The following RBFOX1 variants were observed in gnomAD, a reference collection of about 807,000 sequenced individuals.
RBFOX1 encodes RNA binding fox-1 homolog 1.
RBFOX1 carries 8 observed loss-of-function variants against 57.7 expected under a neutral mutation model. The ratio of observed to expected loss-of-function variants is 0.14; its 90% CI spans 0.08 to 0.25. RBFOX1 has a LOEUF of 0.25. Ranked by LOEUF, RBFOX1 falls within the 10% of genes least tolerant of loss-of-function variation. RBFOX1 has a pLI of 1.00. For missense variants in RBFOX1, 611 were observed against 548.5 expected (o/e 1.11, Z -1.14); for synonymous variants, 326 against 222.4 (o/e 1.47, Z -4.15).
intron 1 of RBFOX1, among the ~76,000 whole-genome samples, chr16:6,108,732 C>G (rs974621485): frequency 8.5e-5 from 13 of 152,114 alleles, no homozygotes; most frequent in African/African-American, 3.1e-4. Flanking sequence ...CTCCTCCTTC[C>G]TCTTCTAGCT....
intron 3 of RBFOX1, among the ~76,000 whole-genome samples, chr16:6,884,104 G>C (rs1221387054): frequency 6.6e-6 from 1 of 152,208 alleles, no homozygotes; most frequent in Admixed American, 6.5e-5. Flanking sequence ...GCGATGCGCT[G>C]CAGAAGAAGA....
At chr16:6,825,145 A>C (rs2091955409) in intron 3 of RBFOX1, among the ~76,000 whole-genome samples, 1 of 149,650 alleles carries the variant, frequency 6.7e-6, no homozygotes, top group East Asian at 2.0e-4. Context: ...TAACAACCTC[A>C]CTCAGCACCC....
intron 4 of RBFOX1, among the ~76,000 whole-genome samples, chr16:7,140,628 C>A (rs1443129056): frequency 2.6e-5 from 4 of 152,094 alleles, no homozygotes; most frequent in African/African-American, 9.7e-5. Context: ...TATTTCTAGG[C>A]AGAGCTCATC....
At chr16:5,341,306 A>G (rs2065025972) in intron 1 of RBFOX1, among the ~76,000 whole-genome samples, 2 of 152,118 alleles carry the variant, frequency 1.3e-5, no homozygotes, top group South Asian at 4.1e-4. Context: ...TCTGATTTAT[A>G]TTGAGTAATA....
intron 2 of RBFOX1, among the ~76,000 whole-genome samples, chr16:6,318,852 C>T (rs1415755817): frequency 1.3e-5 from 2 of 150,866 alleles, no homozygotes; most frequent in Admixed American, 1.3e-4. Context: ...TGGCAAGATG[C>T]CTTATTGGGG....
intron 4 of RBFOX1, among the ~76,000 whole-genome samples, chr16:7,154,617 G>C (rs1336712244): frequency 6.6e-6 from 1 of 151,932 alleles, no homozygotes; most frequent in African/African-American, 2.4e-5. Flanking sequence ...AAAATAGTGG[G>C]CAGTTGTAAG....
At chr16:6,016,632 ATTTT>A (rs913715806), upstream of RBFOX1, among the ~76,000 whole-genome samples, 4 of 152,180 alleles carry the variant, frequency 2.6e-5, no homozygotes, top group African/African-American at 9.7e-5. Flanking sequence ...GAAAGGTACC[ATTTT>A]TGACATTTGC....
At chr16:6,458,050 C>T (rs775875393) in intron 2 of RBFOX1, among the ~76,000 whole-genome samples, 1 of 151,848 alleles carries the variant, frequency 6.6e-6, no homozygotes, top group Admixed American at 6.6e-5. Flanking sequence ...TTCTTTGTAG[C>T]ATGTTTTTAA....
intron 14 of RBFOX1, among the ~76,000 whole-genome samples, chr16:7,687,642 G>T (rs777795803): frequency 2.6e-5 from 4 of 152,132 alleles, no homozygotes; most frequent in Non-Finnish European, 4.4e-5. Flanking sequence ...ACTGATTATT[G>T]TGACTTTCCA....
chr16:6,779,036 T>G (rs1291134662), intron 3 of RBFOX1, among the ~76,000 whole-genome samples: 1 of 152,088 alleles, frequency 6.6e-6, no homozygotes, highest in Non-Finnish European at 1.5e-5. Context: ...ACTACTCTAG[T>G]TATTTTGAAA....
chr16:6,224,222 T>TC (rs1247281296), intron 1 of RBFOX1, among the ~76,000 whole-genome samples: 3 of 151,398 alleles, frequency 2.0e-5, no homozygotes, highest in Non-Finnish European at 4.4e-5. Flanking sequence ...AAAGTAGTTA[T>TC]TTTTTTCCAA....
At chr16:5,588,370 G>A (rs1277442970) in intron 2 of RBFOX1, among the ~76,000 whole-genome samples, 1 of 149,130 alleles carries the variant, frequency 6.7e-6, no homozygotes, top group Non-Finnish European at 1.5e-5. Flanking sequence ...ATAAAGTTTG[G>A]AAAAAAAAAT....
chr16:5,854,737 T>A (rs909803244), intron 3 of RBFOX1, among the ~76,000 whole-genome samples: 1 of 152,162 alleles, frequency 6.6e-6, no homozygotes, highest in African/African-American at 2.4e-5. Context: ...TTATTTCCTT[T>A]GGATAGGTAC....
chr16:6,887,667 A>ATT (rs55796944), intron 3 of RBFOX1, among the ~76,000 whole-genome samples: 152 of 143,872 alleles, frequency 1.1e-3, no homozygotes, highest in African/African-American at 3.5e-3. Context: ...TTCCATAGTC[A>ATT]TTTTTTTTTT....
chr16:5,571,517 G>T (rs927953604), intron 2 of RBFOX1, among the ~76,000 whole-genome samples: 4 of 152,202 alleles, frequency 2.6e-5, no homozygotes, highest in African/African-American at 9.6e-5. Context: ...GGCCAACTCA[G>T]CATTCCACTG....
At chr16:6,666,013 A>C (rs2098730429) in intron 3 of RBFOX1, among the ~76,000 whole-genome samples, 1 of 152,096 alleles carries the variant, frequency 6.6e-6, no homozygotes, top group African/African-American at 2.4e-5. Context: ...GTAGTGAATA[A>C]GTCTCCCGAG....
chr16:7,440,646 A>C (rs1477141584), intron 4 of RBFOX1, among the ~76,000 whole-genome samples: 2 of 152,184 alleles, frequency 1.3e-5, no homozygotes, highest in African/African-American at 4.8e-5. Flanking sequence ...TTTTAGCCTC[A>C]CAGGTTTTGC....
chr16:7,393,913 G>C (rs2098090927), intron 4 of RBFOX1, among the ~76,000 whole-genome samples: 1 of 152,088 alleles, frequency 6.6e-6, no homozygotes, highest in Non-Finnish European at 1.5e-5. Context: ...CATCAAGCTA[G>C]GGAGGATGGC....
At chr16:7,445,508 C>G (rs2098800997) in intron 4 of RBFOX1, among the ~76,000 whole-genome samples, 1 of 152,160 alleles carries the variant, frequency 6.6e-6, no homozygotes, top group Non-Finnish European at 1.5e-5. Context: ...GCACTTGATA[C>G]AGCATCAAAT....
Sources: allele counts gnomAD v4.1 joint callset (sites outside exome capture counted in the v4.1 genomes callset), GRCh38; gene constraint gnomAD v4.1.1; transcripts MANE v1.5; gene names NCBI Gene and HGNC (gene_info 2026-07-23, HGNC 2026-07-21).